Variants in FRMD4A observed in about 807,000 individuals in gnomAD.
The protein encoded by FRMD4A is FERM domain-containing protein 4A.
FRMD4A carries 29 observed loss-of-function variants against 129.1 expected under a neutral mutation model. The ratio of observed to expected loss-of-function variants is 0.22; its 90% CI spans 0.17 to 0.31. FRMD4A has a LOEUF of 0.31. Ranked by LOEUF, FRMD4A falls within the 10% of genes least tolerant of loss-of-function variation. FRMD4A has a pLI of 1.00. For missense variants in FRMD4A, 1,272 were observed against 1,375.8 expected, an observed-to-expected ratio of 0.92 and a Z score of 1.19; for synonymous variants, 634 against 571.6, an observed-to-expected ratio of 1.11 and a Z score of -1.56.
At chr10:14,266,355 T>C (rs1030533775) in intron 2 of FRMD4A, among the ~76,000 whole-genome samples, 1 of 152,174 alleles carries the variant, frequency 6.6e-6, no homozygotes, top group South Asian at 2.1e-4. Context: ...CCCCAAGTAC[T>C]TTTTCCCAAA....
intron 2 of FRMD4A, among the ~76,000 whole-genome samples, chr10:14,215,389 G>A (rs1843043961): frequency 6.6e-6 from 1 of 152,038 alleles, no homozygotes; most frequent in Non-Finnish European, 1.5e-5. Flanking sequence ...GAATTGCAAG[G>A]TATTGTTAAA....
intron 2 of FRMD4A, among the ~76,000 whole-genome samples, chr10:13,932,392 A>T (rs1200625025): frequency 6.6e-6 from 1 of 152,120 alleles, no homozygotes; most frequent in East Asian, 1.9e-4. Context: ...TAGAGTCTTC[A>T]TCTCCTGAAA....
At chr10:13,802,410 G>C (rs2093274943) in intron 4 of FRMD4A, among the ~76,000 whole-genome samples, 1 of 152,114 alleles carries the variant, frequency 6.6e-6, no homozygotes, top group Non-Finnish European at 1.5e-5. Context: ...ATTTCATATG[G>C]AATGAGTTTC....
chr10:13,722,907 C>T (rs1220210802), intron 12 of FRMD4A, among the ~76,000 whole-genome samples: 2 of 151,824 alleles, frequency 1.3e-5, no homozygotes, highest in Non-Finnish European at 1.5e-5. Context: ...GCTAGGTCTC[C>T]ATGCTGGTTA....
intron 2 of FRMD4A, among the ~76,000 whole-genome samples, chr10:13,931,848 C>T (rs1289393858): frequency 8.6e-5 from 13 of 150,996 alleles, no homozygotes; most frequent in Admixed American, 2.6e-4. Context: ...ACTTGGGAGG[C>T]TGAGGCAGGA....
intron 2 of FRMD4A, among the ~76,000 whole-genome samples, chr10:14,269,556 C>T (rs1845089413): frequency 6.6e-6 from 1 of 152,196 alleles, no homozygotes; most frequent in South Asian, 2.1e-4. Flanking sequence ...TCTGACCCTA[C>T]TCCATTATCG....
intron 3 of FRMD4A, among the ~76,000 whole-genome samples, chr10:13,836,472 T>TG (rs1175103106): frequency 3.9e-5 from 6 of 152,072 alleles, no homozygotes; most frequent in Non-Finnish European, 5.9e-5. Context: ...GACAATTCTT[T>TG]GGGGGGCGCG....
At chr10:14,085,339 G>A (rs1166858982) in intron 2 of FRMD4A, among the ~76,000 whole-genome samples, 7 of 152,166 alleles carry the variant, frequency 4.6e-5, no homozygotes, top group Non-Finnish European at 8.8e-5. Flanking sequence ...CGCACCTCAC[G>A]TGGTTGCAGG....
intron 3 of FRMD4A, among the ~76,000 whole-genome samples, chr10:13,847,365 G>A (rs1023141732): frequency 6.6e-6 from 1 of 152,208 alleles, no homozygotes; most frequent in African/African-American, 2.4e-5. Context: ...GGGCGATAGG[G>A]AAGGCCCGCT....
At chr10:14,269,932 G>A (rs771017114) in intron 2 of FRMD4A, among the ~76,000 whole-genome samples, 1 of 152,184 alleles carries the variant, frequency 6.6e-6, no homozygotes, top group Admixed American at 6.5e-5. Context: ...CCCAGGGGTG[G>A]GGAAGATCTG....
chr10:14,175,974 C>CT (rs1841710668), intron 2 of FRMD4A, among the ~76,000 whole-genome samples: 1 of 152,198 alleles, frequency 6.6e-6, no homozygotes, highest in Non-Finnish European at 1.5e-5. Flanking sequence ...ACTCGCTGTC[C>CT]TTATATAAAA....
chr10:14,266,499 CTGTGTGTG>C (rs56663050), intron 2 of FRMD4A, among the ~76,000 whole-genome samples: 5 of 150,334 alleles, frequency 3.3e-5, no homozygotes, highest in Non-Finnish European at 7.4e-5. Flanking sequence ...ATGTTGTGCT[CTGTGTGTG>C]TGTGTGTGTG....
intron 2 of FRMD4A, among the ~76,000 whole-genome samples, chr10:14,066,008 T>G (rs77638154): frequency 4.0e-4 from 56 of 139,214 alleles, no homozygotes; most frequent in African/African-American, 1.3e-3. Context: ...GGGTATGTAT[T>G]TGTGTGTGTG....
intron 2 of FRMD4A, among the ~76,000 whole-genome samples, chr10:14,261,473 CT>C (rs1368233834): frequency 6.6e-6 from 1 of 152,302 alleles, no homozygotes; most frequent in East Asian, 1.9e-4. Context: ...TCTAACGCTT[CT>C]TCTTCTCTGA....
chr10:14,246,272 C>T (rs1249651518), intron 2 of FRMD4A, among the ~76,000 whole-genome samples: 3 of 152,076 alleles, frequency 2.0e-5, no homozygotes, highest in African/African-American at 7.3e-5. Context: ...CAAGAAGAAC[C>T]TTTATATCAC....
intron 2 of FRMD4A, among the ~76,000 whole-genome samples, chr10:13,975,024 C>A (rs114937374): frequency 2.0e-5 from 3 of 150,478 alleles, no homozygotes; most frequent in Non-Finnish European, 4.4e-5. Context: ...TGTGTCTGTG[C>A]GTGTCTGAGT....
intron 2 of FRMD4A, among the ~76,000 whole-genome samples, chr10:13,912,508 C>T (rs963241316): frequency 6.8e-6 from 1 of 146,834 alleles, no homozygotes; most frequent in Non-Finnish European, 1.5e-5. Flanking sequence ...TGTGATGTAT[C>T]CACATAATAG....
rs1218732456 is a variant in FRMD4A at position 13,745,213 on chromosome 10, A to C, written c.548+2523T>G. 5.9e-5 allele frequency among the ~76,000 whole-genome samples: 9 copies of C among 152,356 alleles called. No individual in the cohort carries two copies. The Middle Eastern group carries it at 0.01, about 173-fold the overall frequency. On this transcript the variant is annotated intron_variant, in intron 9 of 24. Transcript: ENST00000357447. Reference sequence around the variant, plus strand: ...AACTATTATGTATCAATAAGAATCAAAGTCCATATAAATAAGGTTGAAATA... The same window carrying C: ...AACTATTATGTATCAATAAGAATCACAGTCCATATAAATAAGGTTGAAATA...
intron 2 of FRMD4A, among the ~76,000 whole-genome samples, chr10:14,094,407 A>G (rs777433337): frequency 6.6e-6 from 1 of 152,178 alleles, no homozygotes; most frequent in African/African-American, 2.4e-5. Flanking sequence ...TAGAATGGAA[A>G]TGTAATGATG....
Sources: gnomAD v4.1 joint callset for allele counts (sites outside exome capture counted in the v4.1 genomes callset) on GRCh38, gnomAD v4.1.1 for gene constraint, MANE v1.5 for transcripts, NCBI Gene and HGNC (gene_info 2026-07-23, HGNC 2026-07-21) for gene names.